Variants in PALM2AKAP2 observed in about 807,000 individuals in gnomAD.
PALM2AKAP2 encodes PALM2-AKAP2 fusion protein.
A neutral mutation model predicts 71.5 loss-of-function variants in PALM2AKAP2; 37 were observed. The ratio of observed to expected loss-of-function variants is 0.52; its 90% CI spans 0.40 to 0.68. The LOEUF (loss-of-function observed/expected upper bound fraction) is 0.68, where lower values mean the gene tolerates loss of function less well. Among genes scored for constraint, PALM2AKAP2 ranks in the 30% least tolerant of loss-of-function variants. The probability of loss-of-function intolerance (pLI) is 0.00; values close to 1 mark genes in which losing one functional copy is unlikely to be tolerated. For missense variants in PALM2AKAP2, 1,224 were observed against 1,191.8 expected (o/e 1.03, Z -0.40); for synonymous variants, 468 against 478.8 (o/e 0.98, Z 0.29).
chr9:109,705,132 C>G (rs1218591091), intron 1 of PALM2AKAP2, among the ~76,000 whole-genome samples: 3 of 152,222 alleles, frequency 2.0e-5, no homozygotes, highest in Non-Finnish European at 4.4e-5. Context: ...TCATCTGTGA[C>G]TGTGGGTACC....
At chr9:109,888,665 G>T (rs993308212) in intron 3 of PALM2AKAP2, among the ~76,000 whole-genome samples, 14 of 134,142 alleles carry the variant, frequency 1.0e-4, no homozygotes, top group African/African-American at 4.1e-4. Flanking sequence ...AGCCGAGATC[G>T]CACCATTGCA....
chr9:110,068,494 C>T (rs1834132776), intron 1 of PALM2AKAP2, among the ~76,000 whole-genome samples: 2 of 145,928 alleles, frequency 1.4e-5, no homozygotes, highest in South Asian at 4.3e-4. Flanking sequence ...GTTTTCTCTA[C>T]TGAGGGCAAA....
intron 1 of PALM2AKAP2, among the ~76,000 whole-genome samples, chr9:109,754,740 C>G (rs1421074709): frequency 2.0e-5 from 3 of 152,130 alleles, no homozygotes; most frequent in Admixed American, 1.3e-4. Flanking sequence ...GAAGCAAGCT[C>G]TCTTGTGTCT....
At chr9:109,909,104 G>A (rs1830514125) in intron 3 of PALM2AKAP2, among the ~76,000 whole-genome samples, 1 of 151,280 alleles carries the variant, frequency 6.6e-6, no homozygotes, top group Non-Finnish European at 1.5e-5. Flanking sequence ...TTATTTAGGT[G>A]AGAATAAATA....
At chr9:109,790,052 G>A (rs1373715495) in intron 1 of PALM2AKAP2, among the ~76,000 whole-genome samples, 1 of 152,140 alleles carries the variant, frequency 6.6e-6, no homozygotes, top group East Asian at 1.9e-4. Context: ...AAAGAATAGA[G>A]AATCTGTACC....
intron 3 of PALM2AKAP2, among the ~76,000 whole-genome samples, chr9:109,891,386 A>G (rs1441668720): frequency 1.3e-5 from 2 of 152,058 alleles, no homozygotes; most frequent in Non-Finnish European, 2.9e-5. Flanking sequence ...AGGTTATGCC[A>G]TTTTCCCCCA....
chr9:110,044,795 T>C (rs1249510799), upstream of PALM2AKAP2, among the ~76,000 whole-genome samples: 2 of 152,202 alleles, frequency 1.3e-5, no homozygotes, highest in African/African-American at 4.8e-5. Context: ...TAAATTCCCT[T>C]TTATGATGCA....
At position 109,761,497 on chromosome 9, in the gene PALM2AKAP2, G is replaced by A. The variant is rs138848232; in HGVS notation, c.6-18991G>A. ...AGGTTTTAAGCCCTGCATACATTAG[G>A]TATTTGTCCTAATACTCTCCCTCCC... On this transcript the variant is annotated intron_variant, in intron 1 of 6. Transcript: ENST00000374531. 2.3e-3 allele frequency among the ~76,000 whole-genome samples: 348 copies of A among 152,242 alleles called. 2 individuals carry two copies. Among genetic ancestry groups the A allele is most frequent in the African/African-American group, 8.0e-3 (333 of 41,550 alleles).
Position 109,975,903 on chromosome 9 carries a change from A to G in PALM2AKAP2, c.497-40051A>G, listed in dbSNP as rs146090661. On this transcript the variant is annotated intron_variant, in intron 6 of 9. Transcript: ENST00000302798. Reference sequence around the variant, plus strand: ...GGGAGGAGGAAGAGCAGATTAAGCAAGTATGTCCCATGCCCCATGCCTCAA... The same window carrying G: ...GGGAGGAGGAAGAGCAGATTAAGCAGGTATGTCCCATGCCCCATGCCTCAA... 4.4e-3 allele frequency among the ~76,000 whole-genome samples: 676 copies of G among 152,358 alleles called. 2 individuals carry two copies. Among genetic ancestry groups the G allele is most frequent in the African/African-American group, 0.012 (490 of 41,576 alleles).
chr9:109,990,493 T>C (rs1337583488), intron 6 of PALM2AKAP2, among the ~76,000 whole-genome samples: 1 of 152,184 alleles, frequency 6.6e-6, no homozygotes, highest in East Asian at 1.9e-4. Flanking sequence ...GCTCTTTCCA[T>C]TAGTGACCCT....
intron 1 of PALM2AKAP2, among the ~76,000 whole-genome samples, chr9:110,097,647 G>A (rs1834886482): frequency 6.8e-6 from 1 of 147,410 alleles, no homozygotes; most frequent in African/African-American, 2.6e-5. Flanking sequence ...TGGGATGGCG[G>A]CTGGGCAGAG....
rs1416065525 is a variant in PALM2AKAP2, at chr9:110,048,762, GTCTC to G, written c.64_67del (p.Ser22LeufsTer42). Reference sequence around the variant, plus strand: ...CCCCGGAGTCTCCTGGACCCCCGGAGTCTCCTGGACCCCCGGAGCGGGAGGCAGC... The same window carrying G: ...CCCCGGAGTCTCCTGGACCCCCGGAGCTGGACCCCCGGAGCGGGAGGCAGC... On this transcript the variant is annotated frameshift_variant, in exon 1 of 4. Coordinates refer to ENST00000374525, the Ensembl canonical transcript of PALM2AKAP2. LOFTEE classifies it high-confidence loss of function. 1 of 1,537,662 alleles carries G rather than the reference GTCTC, an allele frequency of 6.5e-7. No homozygotes were observed. Among genetic ancestry groups the G allele is most frequent in the Non-Finnish European group, 8.7e-7 (1 of 1,148,240 alleles).
chr9:109,821,342 C>T (rs1828000787), intron 1 of PALM2AKAP2, among the ~76,000 whole-genome samples: 2 of 152,130 alleles, frequency 1.3e-5, no homozygotes, highest in Admixed American at 1.3e-4. Flanking sequence ...GAAACAACAA[C>T]AACAACAACA....
intron 2 of PALM2AKAP2, chr9:110,148,442 G>A (rs1836230746): frequency 6.6e-6 from 1 of 152,126 alleles, no homozygotes; most frequent in Admixed American, 6.6e-5. Flanking sequence ...CCCACCCCTG[G>A]GGCCTTCAAA....
chr9:109,922,227 G>A (rs1159232395), intron 3 of PALM2AKAP2, among the ~76,000 whole-genome samples: 2 of 151,624 alleles, frequency 1.3e-5, no homozygotes, highest in African/African-American at 2.4e-5. Flanking sequence ...CAAGACCCAC[G>A]CAGGCAACAT....
chr9:109,829,898 A>G lies in PALM2AKAP2; in HGVS notation c.46-37593A>G, dbSNP rs542446478. On this transcript the variant is annotated intron_variant, in intron 1 of 9. Transcript: ENST00000302798. ...AACCTGAGTTCAGTTAGGAAGACAA[A>G]CAAAAAACACAGACAAAGTTGAGAG... Among the ~76,000 whole-genome samples, 6 of 152,316 alleles carry G rather than the reference A, an allele frequency of 3.9e-5. No homozygotes were observed. The South Asian group carries it at 1.0e-3, about 26-fold the overall frequency.
At chr9:109,674,695 AC>A (rs1827624048) in intron 1 of PALM2AKAP2, among the ~76,000 whole-genome samples, 1 of 152,102 alleles carries the variant, frequency 6.6e-6, no homozygotes, top group Non-Finnish European at 1.5e-5. Flanking sequence ...GAGTCTTGCC[AC>A]ATAGGCTACT....
intron 1 of PALM2AKAP2, among the ~76,000 whole-genome samples, chr9:109,676,781 G>T (rs1400667141): frequency 6.6e-6 from 1 of 152,216 alleles, no homozygotes; most frequent in Non-Finnish European, 1.5e-5. Context: ...ATCCAAGGGA[G>T]AAAAGTGTTT....
chr9:109,847,112 G>A (rs1828877210), intron 1 of PALM2AKAP2, among the ~76,000 whole-genome samples: 1 of 149,752 alleles, frequency 6.7e-6, no homozygotes. Context: ...CTATGTGTGT[G>A]ACCTTATTTG....
Sources: allele counts gnomAD v4.1 joint callset (sites outside exome capture counted in the v4.1 genomes callset), GRCh38; gene constraint gnomAD v4.1.1; transcripts MANE v1.5; gene names NCBI Gene and HGNC (gene_info 2026-07-23, HGNC 2026-07-21).